Variants in OPN1SW observed in about 807,000 individuals in gnomAD.
OPN1SW encodes opsin 1, short wave sensitive.
OPN1SW carries 25 observed loss-of-function variants against 31.9 expected under a neutral mutation model. The observed-to-expected ratio is 0.78, with a 90% confidence interval of 0.57 to 1.09. The LOEUF (loss-of-function observed/expected upper bound fraction) is 1.09, where lower values mean the gene tolerates loss of function less well. Ranked by LOEUF, OPN1SW falls within the 50% of genes least tolerant of loss-of-function variation. OPN1SW has a pLI of 0.00. For missense variants in OPN1SW, 424 were observed against 448.0 expected (o/e 0.95, Z 0.48); for synonymous variants, 190 against 171.9 (o/e 1.11, Z -0.82).
Position 128,773,756 on chromosome 7 carries a change from T to C in OPN1SW, c.811A>G (p.Asn271Asp). 1 of 1,614,220 alleles carries C rather than the reference T, an allele frequency of 6.2e-7. No individual in the cohort carries two copies. Among genetic ancestry groups the C allele is most frequent in the South Asian group, 1.1e-5 (1 of 91,084 alleles). The change falls in exon 4 of 5, where the codon AAC becomes GAC. Residue 271 changes from asparagine to aspartate, a missense_variant. Transcript: ENST00000249389. ...AAGTCCAGCCCATGGTTACGGTTGT[T>C]GACCATGTACATGGCGAAGGCCGCG... ...PYAAFAMYMV[N>D]NRNHGLDLRL...
chr7:128,775,371 CT>C, intron 1 of OPN1SW, 67 bp downstream of exon 1: 1 of 1,504,402 alleles, frequency 6.6e-7, no homozygotes, highest in Non-Finnish European at 9.1e-7. Context: ...CCAGACTCCT[CT>C]TTAGGAACCC....
At chr7:128,773,938 G>T in intron 3 of OPN1SW, 50 bp from the exon 4 acceptor site, 1 of 1,533,256 alleles carries the variant, frequency 6.5e-7, no homozygotes, top group South Asian at 1.3e-5. Flanking sequence ...CTGGCCCTCT[G>T]GATGCTTTTT....
Position 128,774,626 on chromosome 7 carries a change from CAG to C in OPN1SW, c.548_549del (p.Pro183ArgfsTer58). On this transcript the variant is annotated frameshift_variant, in exon 3 of 5. Transcript: ENST00000249389. LOFTEE classifies it high-confidence loss of function. Reference sequence around the variant, plus strand: ...TATTTGGTGCCCACGGTGTACCAGTCAGGGCCACAGGAACACTGCAGGCCCTC... The same window carrying C: ...TATTTGGTGCCCACGGTGTACCAGTCGGCCACAGGAACACTGCAGGCCCTC... ...IPEGLQCSCGPDWYTVGTKYR... is the reference protein window; with the variant it reads ...IPEGLQCSCGXDWYTVGTKYR... 1 of 1,614,148 alleles carries C rather than the reference CAG, an allele frequency of 6.2e-7. No individual in the cohort carries two copies. The highest frequency in any genetic ancestry group is 8.5e-7 in the Non-Finnish European group (1 of 1,180,036).
At position 128,773,835 on chromosome 7, in the gene OPN1SW, C is replaced by T. The variant is rs746544692; in HGVS notation, c.732G>A (p.Val244=). Residue 244 remains valine (V), a synonymous_variant, in exon 4 of 5, where the codon GTG becomes GTA. Coordinates refer to ENST00000249389, the MANE Select transcript of OPN1SW (RefSeq NM_001385125.1). ...CTACCATCACAACCACCATGCGGCT[C>T]ACCTCCCGTTCAGCCTTCTGGGTCG... is the stretch of plus-strand genomic sequence containing the variant. The part of the protein sequence containing the change: ...SATTQKAERE[V]SRMVVVMVGS... The T allele has an allele frequency of 5.6e-6, 9 of 1,613,858 alleles. No individual in the cohort carries two copies. Among genetic ancestry groups the T allele is most frequent in the Middle Eastern group, 1.6e-4 (1 of 6,062 alleles).
Position 128,775,144 on chromosome 7 carries a change from T to A in OPN1SW, c.354A>T (p.Thr118=). The A allele has an allele frequency of 5.6e-6, 9 of 1,614,096 alleles. No individual in the cohort carries two copies. Among genetic ancestry groups the A allele is most frequent in the Non-Finnish European group, 7.6e-6 (9 of 1,179,988 alleles). The change falls in exon 2 of 5, where the codon ACA becomes ACT. Residue 118 remains threonine (T), a synonymous_variant. Transcript: ENST00000249389. ...GFLGTVAGLV[T]GWSLAFLAFE... ...AGGCCAGGAAGGCCAGTGACCATCC[T>A]GTAACCAGACCTGTGGTGAAATGTG...
At position 128,775,124 on chromosome 7, in the gene OPN1SW, A is replaced by G. The variant is rs781617916; in HGVS notation, c.374T>C (p.Leu125Pro). 62 of 1,614,128 alleles carry G rather than the reference A, an allele frequency of 3.8e-5. No homozygotes were observed. Among genetic ancestry groups the G allele is most frequent in the Non-Finnish European group, 5.0e-5 (59 of 1,180,054 alleles). Residue 125 changes from leucine to proline, a missense_variant, in exon 2 of 5, where the codon CTG becomes CCG. Leu to Pro is a moderately conservative substitution (Grantham distance 98). Coordinates refer to ENST00000249389, the MANE Select transcript of OPN1SW (RefSeq NM_001385125.1). The part of the protein sequence containing the change: ...GLVTGWSLAF[L>P]AFERYIVICK... ...GATGACAATGTAGCGCTCAAAGGCC[A>G]GGAAGGCCAGTGACCATCCTGTAAC...
rs1407999379 is a variant in OPN1SW, at chr7:128,772,489, T to C, written c.*51A>G. On this transcript the variant is annotated 3_prime_UTR_variant, in exon 5 of 5. Coordinates refer to ENST00000249389, the MANE Select transcript of OPN1SW (RefSeq NM_001385125.1). ...TCTGACGGAGACAATAGAAACTTAC[T>C]TAAAAGTAAAATTTAATTCTAGCTG... is the stretch of plus-strand genomic sequence containing the variant. 5 of 1,612,026 alleles carry C rather than the reference T, an allele frequency of 3.1e-6. No individual in the cohort carries two copies. The highest frequency in any genetic ancestry group is 3.4e-6 in the Non-Finnish European group (4 of 1,178,410).
At chr7:128,773,170 G>A (rs761859824) in intron 4 of OPN1SW, among the ~76,000 whole-genome samples, 4 of 152,230 alleles carry the variant, frequency 2.6e-5, no homozygotes, top group Non-Finnish European at 5.9e-5. Flanking sequence ...CATGTGGTAT[G>A]ATTTCTGTGC....
chr7:128,774,359 CCCT>C (rs1039024783), intron 3 of OPN1SW, 136 bp downstream of exon 3: 12 of 1,168,860 alleles, frequency 1.0e-5, no homozygotes, highest in African/African-American at 1.5e-5. Context: ...CCATCATTCT[CCCT>C]CCTCCTACTT....
chr7:128,775,143 C>T lies in OPN1SW; in HGVS notation c.355G>A (p.Gly119Arg). ...AAGGCCAGGAAGGCCAGTGACCATCCTGTAACCAGACCTGTGGTGAAATGT... is the reference window on the plus strand; with the variant it reads ...AAGGCCAGGAAGGCCAGTGACCATCTTGTAACCAGACCTGTGGTGAAATGT... Reference protein sequence around the residue: ...FLGTVAGLVTGWSLAFLAFER... With the variant: ...FLGTVAGLVTRWSLAFLAFER... The change falls in exon 2 of 5, where the codon GGA (glycine) becomes AGA (arginine). Residue 119 changes from glycine (G) to arginine (R), a missense_variant. Gly to Arg is a moderately radical substitution (Grantham distance 125, BLOSUM62 -2). Transcript: ENST00000249389. 6.2e-7 allele frequency: 1 copy of T among 1,614,110 alleles called. No homozygotes were observed. Among genetic ancestry groups the T allele is most frequent in the Non-Finnish European group, 8.5e-7 (1 of 1,179,986 alleles).
chr7:128,773,559 G>T, intron 4 of OPN1SW, 90 bp downstream of exon 4: 1 of 1,562,216 alleles, frequency 6.4e-7, no homozygotes, highest in Non-Finnish European at 8.8e-7. Context: ...AGAAACCTGG[G>T]TAGAGTCCAG....
At chr7:128,773,460 T>C (rs1801676851) in intron 4 of OPN1SW, among the ~76,000 whole-genome samples, 189 bp downstream of exon 4, 1 of 152,108 alleles carries the variant, frequency 6.6e-6, no homozygotes, top group Admixed American at 6.5e-5. Flanking sequence ...GGGGTTCTAT[T>C]TTCTCGTCTT....
At chr7:128,773,947 T>C in intron 3 of OPN1SW, 59 bp from the exon 4 acceptor site, 1 of 1,516,104 alleles carries the variant, frequency 6.6e-7, no homozygotes. Flanking sequence ...TGGATGCTTT[T>C]TTTTTTTTTT....
In OPN1SW at chr7:128,773,656, T is replaced by C. The variant is rs758893514; in HGVS notation, c.911A>G (p.Asn304Ser). 1.9e-6 allele frequency: 3 copies of C among 1,614,062 alleles called. No homozygotes were observed. Among genetic ancestry groups the C allele is most frequent in the Admixed American group, 3.3e-5 (2 of 60,002 alleles). The change falls in exon 4 of 5, where the codon AAT becomes AGT. Residue 304 changes from asparagine (N) to serine (S), a missense_variant. Transcript: ENST00000249389. ...GTGAATAAAGAGCTTTACCTGCTTA[T>C]TCATGAAGCAGTAGATGATGGGATT... is the stretch of plus-strand genomic sequence containing the variant. ...IYNPIIYCFM[N>S]KQFQACIMKM...
chr7:128,773,317 G>A (rs945414933), intron 4 of OPN1SW, among the ~76,000 whole-genome samples: 7 of 152,164 alleles, frequency 4.6e-5, no homozygotes, highest in African/African-American at 1.7e-4. Context: ...GGATACATGT[G>A]CAGGATGTGC....
In OPN1SW at chr7:128,774,895, T is replaced by A. The variant is rs887064003; in HGVS notation, c.512+91A>T. ...TATTGCAACTCTTTAAAAGTAGAGG[T>A]CAAAGACTAAATAGTTATACCCAAG... On this transcript the variant is annotated intron_variant, in intron 2 of 4. Coordinates refer to ENST00000249389, the MANE Select transcript of OPN1SW (RefSeq NM_001385125.1). 3 of 1,546,054 alleles carry A rather than the reference T, an allele frequency of 1.9e-6. No individual in the cohort carries two copies. The African/African-American group carries it at 4.1e-5, about 21-fold the overall frequency.
At position 128,774,545 on chromosome 7, in the gene OPN1SW, A is replaced by G. The variant is rs104894032; in HGVS notation, c.631T>C (p.Ser211Pro). The G allele has an allele frequency of 2.2e-5, 35 of 1,614,040 alleles. No individual in the cohort carries two copies. Among genetic ancestry groups the G allele is most frequent in the Non-Finnish European group, 2.5e-5 (30 of 1,180,014 alleles). ...TGAGTGTAGGAGAAGCAGATGAGGG[A>G]GAGAGGCACAATGAAGCAGAAGATG... ...LFIFCFIVPL[S>P]LICFSYTQLL... is the part of the protein sequence containing the mutation. Residue 211 changes from serine (S) to proline (P), a missense_variant, in exon 3 of 5, where the codon TCC becomes CCC. Ser to Pro is a moderately conservative substitution (Grantham distance 74). Transcript: ENST00000249389.
intron 1 of OPN1SW, 84 bp downstream of exon 1, chr7:128,775,353 CAT>C: frequency 2.1e-6 from 3 of 1,418,818 alleles, no homozygotes; most frequent in Non-Finnish European, 2.9e-6. Context: ...GCACCAGACT[CAT>C]TTCCCCCAGA....
chr7:128,773,959 TTA>T, intron 3 of OPN1SW, 71 bp from the exon 4 acceptor site: 54 of 1,445,556 alleles, frequency 3.7e-5, no homozygotes, highest in Non-Finnish European at 4.2e-5. Context: ...TTTTTTTTTT[TTA>T]ATTTTTAATT....
Sources: allele counts gnomAD v4.1 joint callset (sites outside exome capture counted in the v4.1 genomes callset), GRCh38; gene constraint gnomAD v4.1.1; transcripts MANE v1.5; gene names NCBI Gene and HGNC (gene_info 2026-07-23, HGNC 2026-07-21).